Variants in CHST2 observed in about 807,000 individuals in gnomAD.
CHST2 encodes the protein carbohydrate sulfotransferase 2.
Under a neutral mutation model 34.6 loss-of-function variants are expected in CHST2, and 23 were observed. The observed-to-expected ratio is 0.67, with a 90% CI of 0.48 to 0.94. The LOEUF is 0.94. Among genes scored for constraint, CHST2 ranks in the 40% least tolerant of loss-of-function variants. The pLI, the probability that CHST2 is intolerant of heterozygous loss-of-function variation, is 0.00. For synonymous variants in CHST2, 392 were observed against 343.1 expected (o/e 1.14, Z -1.58); for missense variants, 720 against 759.5 (o/e 0.95, Z 0.61).
chr3:143,120,680 T>C lies in CHST2; in HGVS notation c.-137T>C, dbSNP rs1053412500. 1.2e-6 allele frequency: 1 copy of C among 808,012 alleles called. No homozygotes were observed. Among genetic ancestry groups the C allele is most frequent in the Admixed American group, 4.8e-5 (1 of 20,874 alleles). The allele number at this position is 808,012 out of a possible 1,614,324, so 50.1% of individuals were successfully genotyped here. A position where few individuals can be genotyped will look rare whatever the true frequency, so the allele number is the denominator to read the frequency against. On this transcript the variant is annotated 5_prime_UTR_variant, in exon 2 of 2. Coordinates refer to ENST00000309575, the MANE Select transcript of CHST2 (RefSeq NM_004267.5). The surrounding 1 kb of genome is among the most constrained non-coding windows in gnomAD (Gnocchi z 4.1). ...AGCCGCTGCCATGGGAGAGCCAGCC[T>C]TGGGCGCTGGGGACCAGCCGCCGCG...
Position 143,122,113 on chromosome 3 carries a change from G to A in CHST2, c.1297G>A (p.Val433Ile), listed in dbSNP as rs1423751698. Residue 433 changes from valine to isoleucine, a missense_variant, in exon 2 of 2, where the codon GTC becomes ATC. By Grantham distance (29) the Val-to-Ile change is conservative. Transcript: ENST00000309575. ...GTACGAGGACCTGGTGGGAGACCCC[G>A]TCAAGACACTACGGAGAGTGTACGA... ...VRYEDLVGDP[V>I]KTLRRVYDFV... 3 of 1,614,202 alleles carry A rather than the reference G, an allele frequency of 1.9e-6. No homozygotes were observed. Among genetic ancestry groups the A allele is most frequent in the East Asian group, 2.2e-5 (1 of 44,882 alleles).
chr3:143,120,974 G>A lies in CHST2; in HGVS notation c.158G>A (p.Arg53Lys). 1 of 1,541,972 alleles carries A rather than the reference G, an allele frequency of 6.5e-7. No homozygotes were observed. Among genetic ancestry groups the A allele is most frequent in the Non-Finnish European group, 8.7e-7 (1 of 1,145,466 alleles). Residue 53 changes from arginine to lysine, a missense_variant, in exon 2 of 2, where the codon AGG (arginine) becomes AAG (lysine). Physicochemically the swap from Arg to Lys is conservative, Grantham distance 26 (BLOSUM62 2). Transcript: ENST00000309575. This position sits in a 1 kb window ranked among gnomAD's most constrained non-coding sequence, Gnocchi z 4.1. ...CCTCTCGGAATGAAGGTGTTCCGTA[G>A]GAAGGCGCTGGTGTTGTGCGCGGGC... The part of the protein sequence containing the change: ...ASPLGMKVFR[R>K]KALVLCAGYA...
rs1435419888 is a variant in CHST2, at chr3:143,122,115, C to G, written c.1299C>G (p.Val433=). The change falls in exon 2 of 2, where the codon GTC becomes GTG. Residue 433 remains valine (V), a synonymous_variant. Transcript: ENST00000309575. ...ACGAGGACCTGGTGGGAGACCCCGT[C>G]AAGACACTACGGAGAGTGTACGATT... ...VRYEDLVGDP[V]KTLRRVYDFV... The G allele has an allele frequency of 5.6e-6, 9 of 1,614,198 alleles. No individual in the cohort carries two copies. Among genetic ancestry groups the G allele is most frequent in the Non-Finnish European group, 6.8e-6 (8 of 1,180,014 alleles).
In CHST2 at chr3:143,120,097, G is replaced by C. The variant is rs1246547353; in HGVS notation, c.-618G>C. ...GCCGCCGCCGCCGCTGCGGGGTCGC[G>C]CTGTGCCCCATCCACCGCTGCCAGA... is the stretch of plus-strand genomic sequence containing the variant. On this transcript the variant is annotated 5_prime_UTR_variant, in exon 1 of 2. Transcript: ENST00000309575. This position sits in a 1 kb window ranked among gnomAD's most constrained non-coding sequence, Gnocchi z 4.1. 6.6e-6 allele frequency: 1 copy of C among 152,430 alleles called. No homozygotes were observed. Among genetic ancestry groups the C allele is most frequent in the Non-Finnish European group, 1.5e-5 (1 of 68,296 alleles). 9.4% of individuals were successfully genotyped at this position (152,430 alleles called of 1,614,324 possible). A position where few individuals can be genotyped will look rare whatever the true frequency, so the allele number is the denominator to read the frequency against.
chr3:143,120,846 C>G lies in CHST2; in HGVS notation c.30C>G (p.Pro10=). 1 of 1,340,138 alleles carries G rather than the reference C, an allele frequency of 7.5e-7. No individual in the cohort carries two copies. The highest frequency in any genetic ancestry group is 9.5e-7 in the Non-Finnish European group (1 of 1,054,242). 83.0% of individuals were successfully genotyped at this position (1,340,138 alleles called of 1,614,324 possible). MSRSPQRAL[P]PGALPRLLQA... ...GCCGCAGCCCGCAGCGAGCTCTGCC[C>G]CCGGGCGCGCTCCCTCGGCTGCTCC... Residue 10 remains proline (P), a synonymous_variant, in exon 2 of 2, where the codon CCC becomes CCG. Coordinates refer to ENST00000309575, the MANE Select transcript of CHST2 (RefSeq NM_004267.5). The surrounding 1 kb of genome is among the most constrained non-coding windows in gnomAD (Gnocchi z 4.1).
At position 143,121,104 on chromosome 3, in the gene CHST2, G is replaced by A; in HGVS notation, c.288G>A (p.Ala96=). 1 of 1,493,182 alleles carries A rather than the reference G, an allele frequency of 6.7e-7. No individual in the cohort carries two copies. Among genetic ancestry groups the A allele is most frequent in the Non-Finnish European group, 8.9e-7 (1 of 1,126,092 alleles). 92.5% of individuals were successfully genotyped at this position (1,493,182 alleles called of 1,614,324 possible). Residue 96 remains alanine (A), a synonymous_variant, in exon 2 of 2, where the codon GCG becomes GCA. Transcript: ENST00000309575. The part of the protein sequence containing the change: ...CNPDGPLGAA[A]GAAGGSWGRP... ...CCGATGGGCCGCTGGGTGCCGCAGCGGGGGCAGCCGGAGGCAGCTGGGGGC... is the reference window on the plus strand; with the variant it reads ...CCGATGGGCCGCTGGGTGCCGCAGCAGGGGCAGCCGGAGGCAGCTGGGGGC...
rs1936232886 is a variant in CHST2, at chr3:143,122,021, T to C, written c.1205T>C (p.Met402Thr). ...GCTATGGAGGTCATCTGCAATAGTA[T>C]GGCTAAGACGCTGCAGACAGCCCTG... ...LGAMEVICNS[M>T]AKTLQTALQP... The change falls in exon 2 of 2, where the codon ATG becomes ACG. Residue 402 changes from methionine (M) to threonine (T), a missense_variant. Physicochemically the swap from Met to Thr is moderately conservative, Grantham distance 81. Transcript: ENST00000309575. The C allele has an allele frequency of 2.5e-6, 4 of 1,610,596 alleles. 1 individual carries two copies. In the South Asian group the frequency reaches 4.4e-5, roughly 18 times the overall value.
In CHST2 at chr3:143,121,930, GCGGGCCA is replaced by G; in HGVS notation, c.1116_1122del (p.Gly373SerfsTer73). The G allele has an allele frequency of 6.3e-7, 1 of 1,579,252 alleles. No homozygotes were observed. Among genetic ancestry groups the G allele is most frequent in the Non-Finnish European group, 8.6e-7 (1 of 1,162,202 alleles). ...TCACCGCATGCCCTTCTTGGAGGCCGCGGGCCACAAGCTTGGCGCCAAGAAGGAGGGC... is the reference window on the plus strand; with the variant it reads ...TCACCGCATGCCCTTCTTGGAGGCCGCAAGCTTGGCGCCAAGAAGGAGGGC... On this transcript the variant is annotated frameshift_variant, in exon 2 of 2. Coordinates refer to ENST00000309575, the MANE Select transcript of CHST2 (RefSeq NM_004267.5). LOFTEE classifies it high-confidence loss of function.
rs530880972 is a variant in CHST2 at position 143,121,162 on chromosome 3, G to A, written c.346G>A (p.Ala116Thr). Residue 116 changes from alanine to threonine, a missense_variant, in exon 2 of 2, where the codon GCT (alanine) becomes ACT (threonine). By Grantham distance (58) the Ala-to-Thr change is moderately conservative (BLOSUM62 0). Coordinates refer to ENST00000309575, the MANE Select transcript of CHST2 (RefSeq NM_004267.5). The part of the protein sequence containing the change: ...PGPPPAGPPR[A>T]HARLDLRTPY... Reference sequence around the variant, plus strand: ...GCCGCCTCCGGCCGGGCCGCCCCGTGCTCATGCCCGTTTGGACCTCCGCAC... The same window carrying A: ...GCCGCCTCCGGCCGGGCCGCCCCGTACTCATGCCCGTTTGGACCTCCGCAC... 2 of 1,491,858 alleles carry A rather than the reference G, an allele frequency of 1.3e-6. No individual in the cohort carries two copies. The highest frequency in any genetic ancestry group is 2.4e-5 in the Admixed American group (1 of 41,694). 92.4% of individuals were successfully genotyped at this position (1,491,858 alleles called of 1,614,324 possible). A position where few individuals can be genotyped will look rare whatever the true frequency, so the allele number is the denominator to read the frequency against.
rs753483051 is a variant in CHST2 at position 143,121,262 on chromosome 3, C to T, written c.446C>T (p.Pro149Leu). 12 of 1,599,058 alleles carry T rather than the reference C, an allele frequency of 7.5e-6. No individual in the cohort carries two copies. The African/African-American group carries it at 1.5e-4, about 20-fold the overall frequency. ...GCAGGGATGGCGGGGGTTGCGGCCC[C>T]TCCAGGCAATGGCACTCGGGGCACC... is the stretch of plus-strand genomic sequence containing the variant. ...AAAGMAGVAA[P>L]PGNGTRGTGG... Residue 149 changes from proline to leucine, a missense_variant, in exon 2 of 2, where the codon CCT becomes CTT. Physicochemically the swap from Pro to Leu is moderately conservative, Grantham distance 98 (BLOSUM62 -3). Around this residue, in one of 4 missense-constraint regions of CHST2, gnomAD observed 287 missense variants for 242.7 expected, o/e 1.18. Coordinates refer to ENST00000309575, the MANE Select transcript of CHST2 (RefSeq NM_004267.5).
In CHST2 at chr3:143,121,542, C is replaced by T. The variant is rs1161756082; in HGVS notation, c.726C>T (p.Arg242=). ...QLYSPAGSGG[R]NLTTLGIFGA... The stretch of plus-strand genomic sequence containing the variant: ...ATAGCCCCGCGGGCAGCGGGGGGCG[C>T]AACCTCACCACGCTGGGCATCTTCG... Residue 242 remains arginine (R), a synonymous_variant, in exon 2 of 2, where the codon CGC becomes CGT. Transcript: ENST00000309575. 6.2e-7 allele frequency: 1 copy of T among 1,610,660 alleles called. No individual in the cohort carries two copies.
chr3:143,120,658 C>T lies in CHST2; in HGVS notation c.-159C>T. The T allele has an allele frequency of 1.8e-6, 1 of 561,210 alleles. No homozygotes were observed. Among genetic ancestry groups the T allele is most frequent in the Non-Finnish European group, 2.5e-6 (1 of 397,236 alleles). The allele number at this position is 561,210 out of a possible 1,614,324, so 34.8% of individuals were successfully genotyped here. A position where few individuals can be genotyped will look rare whatever the true frequency, so the allele number is the denominator to read the frequency against. On this transcript the variant is annotated 5_prime_UTR_variant, in exon 2 of 2. Transcript: ENST00000309575. The surrounding 1 kb of genome is among the most constrained non-coding windows in gnomAD (Gnocchi z 4.1). ...TCCCCTCGCAGGTCCTACCCGGAGC[C>T]GCTGCCATGGGAGAGCCAGCCTTGG...
Position 143,121,315 on chromosome 3 carries a change from G to T in CHST2, c.499G>T (p.Val167Leu). 1 of 1,613,316 alleles carries T rather than the reference G, an allele frequency of 6.2e-7. No homozygotes were observed. Among genetic ancestry groups the T allele is most frequent in the Non-Finnish European group, 8.5e-7 (1 of 1,179,958 alleles). Residue 167 changes from valine to leucine, a missense_variant, in exon 2 of 2, where the codon GTG (valine) becomes TTG (leucine). Physicochemically the swap from Val to Leu is conservative, Grantham distance 32. This residue lies in a region of CHST2 where 43 missense variants were observed against 77.6 expected (regional missense o/e 0.55). Transcript: ENST00000309575. Reference protein sequence around the residue: ...TGGVGDKRQLVYVFTTWRSGS... With the variant: ...TGGVGDKRQLLYVFTTWRSGS... ...GGGCGTCGGGGACAAGCGGCAGCTG[G>T]TGTACGTGTTCACCACGTGGCGCTC...
rs1415460822 is a variant in CHST2 at position 143,122,274 on chromosome 3, C to G, written c.1458C>G (p.Ala486=). The change falls in exon 2 of 2, where the codon GCC becomes GCG. Residue 486 remains alanine, a synonymous_variant. Coordinates refer to ENST00000309575, the MANE Select transcript of CHST2 (RefSeq NM_004267.5). ...AGGCCGCCAATGCCTGGCGGACCGC[C>G]CTCACCTTCCAGCAGATCAAACAGG... The part of the protein sequence containing the change: ...ATQAANAWRT[A]LTFQQIKQVE... The G allele has an allele frequency of 6.2e-7, 1 of 1,614,026 alleles. No homozygotes were observed. The highest frequency in any genetic ancestry group is 1.3e-5 in the African/African-American group (1 of 74,920).
At position 143,123,685 on chromosome 3, in the gene CHST2, T is replaced by TA. The variant is rs1256643974; in HGVS notation, c.*1277dup. 6.6e-6 allele frequency: 1 copy of TA among 152,246 alleles called. No individual in the cohort carries two copies. Among genetic ancestry groups the TA allele is most frequent in the Non-Finnish European group, 1.5e-5 (1 of 68,046 alleles). The allele number at this position is 152,246 out of a possible 1,614,324, so 9.4% of individuals were successfully genotyped here. ...GCCTGTGGAATATGTTGCTTTTCTT[T>TA]ATCATGTTTCCTAAAAGTAAATTTG... On this transcript the variant is annotated 3_prime_UTR_variant, in exon 2 of 2. Coordinates refer to ENST00000309575, the MANE Select transcript of CHST2 (RefSeq NM_004267.5).
rs1347776931 is a variant in CHST2 at position 143,120,742 on chromosome 3, C to A, written c.-75C>A. The A allele has an allele frequency of 8.5e-7, 1 of 1,182,068 alleles. No homozygotes were observed. The allele number at this position is 1,182,068 out of a possible 1,614,324, so 73.2% of individuals were successfully genotyped here. A position where few individuals can be genotyped will look rare whatever the true frequency, so the allele number is the denominator to read the frequency against. Reference sequence around the variant, plus strand: ...GTCGCGGCCCGAGTCCCGGCGCCAGCAGCCAGCCCGCTGCGTCCCCTTCCC... The same window carrying A: ...GTCGCGGCCCGAGTCCCGGCGCCAGAAGCCAGCCCGCTGCGTCCCCTTCCC... On this transcript the variant is annotated 5_prime_UTR_variant, in exon 2 of 2. Transcript: ENST00000309575. This position sits in a 1 kb window ranked among gnomAD's most constrained non-coding sequence, Gnocchi z 4.1.
In CHST2 at chr3:143,121,771, C is replaced by A; in HGVS notation, c.955C>A (p.Arg319=). The change falls in exon 2 of 2, where the codon CGA becomes AGA. Residue 319 remains arginine, a synonymous_variant. Transcript: ENST00000309575. Reference sequence around the variant, plus strand: ...CGTGGCGGTCTTGGCGCCACTGCTGCGAGACCCGGCCCTGGACCTCAAGGT... The same window carrying A: ...CGTGGCGGTCTTGGCGCCACTGCTGAGAGACCCGGCCCTGGACCTCAAGGT... The part of the protein sequence containing the change: ...FDVAVLAPLL[R]DPALDLKVIH... 6.2e-7 allele frequency: 1 copy of A among 1,606,716 alleles called. No homozygotes were observed. The highest frequency in any genetic ancestry group is 2.2e-5 in the East Asian group (1 of 44,668).
In CHST2 at chr3:143,121,745, A is replaced by T; in HGVS notation, c.929A>T (p.Asp310Val). 1 of 1,603,712 alleles carries T rather than the reference A, an allele frequency of 6.2e-7. No homozygotes were observed. Among genetic ancestry groups the T allele is most frequent in the Non-Finnish European group, 8.5e-7 (1 of 1,175,034 alleles). The change falls in exon 2 of 2, where the codon GAC (aspartate) becomes GTC (valine). Residue 310 changes from aspartate (D) to valine (V), a missense_variant. Physicochemically the swap from Asp to Val is radical, Grantham distance 152. Coordinates refer to ENST00000309575, the MANE Select transcript of CHST2 (RefSeq NM_004267.5). Reference protein sequence around the residue: ...TLVIKGVRVFDVAVLAPLLRD... With the variant: ...TLVIKGVRVFVVAVLAPLLRD... ...GTCATAAAGGGTGTGCGCGTCTTCGACGTGGCGGTCTTGGCGCCACTGCTG... is the reference window on the plus strand; with the variant it reads ...GTCATAAAGGGTGTGCGCGTCTTCGTCGTGGCGGTCTTGGCGCCACTGCTG...
At position 143,121,350 on chromosome 3, in the gene CHST2, G is replaced by A. The variant is rs764993900; in HGVS notation, c.534G>A (p.Ser178=). 1 of 1,613,576 alleles carries A rather than the reference G, an allele frequency of 6.2e-7. No homozygotes were observed. Among genetic ancestry groups the A allele is most frequent in the Non-Finnish European group, 8.5e-7 (1 of 1,180,008 alleles). Residue 178 remains serine, a synonymous_variant, in exon 2 of 2, where the codon TCG becomes TCA. Transcript: ENST00000309575. ...YVFTTWRSGS[S]FFGELFNQNP... ...TCACCACGTGGCGCTCTGGCTCGTCGTTCTTCGGCGAGCTATTCAACCAGA... is the reference window on the plus strand; with the variant it reads ...TCACCACGTGGCGCTCTGGCTCGTCATTCTTCGGCGAGCTATTCAACCAGA...
Sources: allele counts gnomAD v4.1 joint callset, GRCh38; gene constraint gnomAD v4.1.1; regional missense constraint gnomAD v4.1.1; non-coding constraint Gnocchi (gnomAD v3.1); transcripts MANE v1.5; gene names NCBI Gene and HGNC (gene_info 2026-07-23, HGNC 2026-07-21).